The following GRIP2 variants were observed in gnomAD, a reference collection of about 807,000 sequenced individuals.
The protein encoded by GRIP2 is glutamate receptor interacting protein 2.
A neutral mutation model predicts 108.3 loss-of-function variants in GRIP2; 58 were observed. That is an observed-to-expected ratio of 0.54 (90% CI 0.43 to 0.67). GRIP2 has a LOEUF of 0.67. Ranked by LOEUF, GRIP2 falls within the 30% of genes least tolerant of loss-of-function variation. The pLI is 0.00. For missense variants in GRIP2, 1,278 were observed against 1,430.6 expected, an observed-to-expected ratio of 0.89 and a Z score of 1.72; for synonymous variants, 586 against 598.2, an observed-to-expected ratio of 0.98 and a Z score of 0.30.
At chr3:14,559,296 G>A (rs1352752502), upstream of GRIP2, among the ~76,000 whole-genome samples, 6 of 152,142 alleles carry the variant, frequency 3.9e-5, no homozygotes, top group East Asian at 1.2e-3. Context: ...AGTTCCAAGT[G>A]AAATTGGAAT....
intron 4 of GRIP2, chr3:14,524,088 G>A: frequency 3.9e-6 from 2 of 517,772 alleles, no homozygotes; most frequent in Non-Finnish European, 6.9e-6. Context: ...AGTGGAGTGT[G>A]GGCGTGGTAG....
chr3:14,588,833 G>A, the GRIP2 span, among the ~76,000 whole-genome samples: 2 of 152,154 alleles, frequency 1.3e-5, no homozygotes, highest in Non-Finnish European at 2.9e-5. Context: ...CTCCCACACA[G>A]GGGATTCCCC....
chr3:14,560,605 G>A (rs1695303532), upstream of GRIP2, among the ~76,000 whole-genome samples: 1 of 152,226 alleles, frequency 6.6e-6, no homozygotes, highest in Admixed American at 6.5e-5. Context: ...TTCTGGAGGT[G>A]TGGAGAAGCT....
chr3:14,570,422 G>C, the GRIP2 span, among the ~76,000 whole-genome samples: 4 of 152,264 alleles, frequency 2.6e-5, no homozygotes, highest in East Asian at 5.8e-4. Flanking sequence ...GTCTGGGCCA[G>C]CTGGGGCCAG....
chr3:14,602,749 A>C, the GRIP2 span, among the ~76,000 whole-genome samples: 1 of 151,582 alleles, frequency 6.6e-6, no homozygotes, highest in Admixed American at 6.6e-5. The surrounding 1 kb of genome is among the most constrained non-coding windows in gnomAD (Gnocchi z 4.7). Context: ...GTGATCCTCC[A>C]GGCTCCCCAC....
intron 1 of GRIP2, among the ~76,000 whole-genome samples, chr3:14,553,938 C>T (rs1695193392): frequency 6.6e-6 from 1 of 152,182 alleles, no homozygotes; most frequent in African/African-American, 2.4e-5. Context: ...GCAGTGTGTC[C>T]TCAATCAACC....
the GRIP2 span, among the ~76,000 whole-genome samples, chr3:14,602,881 C>A: frequency 4.4e-4 from 66 of 151,246 alleles, no homozygotes; most frequent in African/African-American, 1.4e-3. The surrounding 1 kb of genome is among the most constrained non-coding windows in gnomAD (Gnocchi z 4.7). Flanking sequence ...CCCTCCGCAC[C>A]CCGCGCCGCG....
chr3:14,599,272 A>G, the GRIP2 span, among the ~76,000 whole-genome samples: 3 of 152,242 alleles, frequency 2.0e-5, no homozygotes, highest in Non-Finnish European at 4.4e-5. Context: ...GATGACTTCT[A>G]TAACACTTCT....
At chr3:14,520,672 T>C (rs1694383697) in intron 7 of GRIP2, 135 bp from the exon 8 acceptor site, 2 of 839,266 alleles carry the variant, frequency 2.4e-6, no homozygotes, top group African/African-American at 3.5e-5. Context: ...TAATTTTTTA[T>C]TCCTTTTCTT....
At chr3:14,550,677 G>A (rs1695132812) in intron 1 of GRIP2, among the ~76,000 whole-genome samples, 2 of 152,112 alleles carry the variant, frequency 1.3e-5, no homozygotes, top group South Asian at 4.1e-4. Context: ...GGTCTTTAGG[G>A]GCTGCTTCAG....
chr3:14,509,973 AC>A lies in GRIP2; in HGVS notation c.1934-10del. ...TGTGGTCTCCAGCTCATCTGCAAGC[AC>A]GGGGACCCATGAGGAGGAGGCCCCC... is the stretch of plus-strand genomic sequence containing the variant. On this transcript the variant is annotated splice_polypyrimidine_tract_variant and intron_variant, in intron 16 of 23. Coordinates refer to ENST00000621039, the MANE Select transcript of GRIP2 (RefSeq NM_001080423.4). The A allele has an allele frequency of 6.8e-7, 1 of 1,480,288 alleles. No individual in the cohort carries two copies. The highest frequency in any genetic ancestry group is 9.0e-7 in the Non-Finnish European group (1 of 1,107,066). 91.7% of individuals were successfully genotyped at this position (1,480,288 alleles called of 1,614,324 possible).
At chr3:14,562,319 A>G in the GRIP2 span, among the ~76,000 whole-genome samples, 17 of 152,318 alleles carry the variant, frequency 1.1e-4, no homozygotes, top group Non-Finnish European at 2.1e-4. Context: ...GAGTGGGGGA[A>G]GTTGTGAGGA....
In GRIP2 at chr3:14,525,877, A is replaced by C. The variant is rs1694541127; in HGVS notation, c.95T>G (p.Leu32Arg). 1 of 1,560,440 alleles carries C rather than the reference A, an allele frequency of 6.4e-7. No homozygotes were observed. The highest frequency in any genetic ancestry group is 1.4e-5 in the African/African-American group (1 of 73,492). ...TGGAATGCTCTGTCTGCGGCACGCC[A>C]GGGAAACGTCGGCCCCTCCTGCGTC... ...GKDAGGADVS[L>R]ACRRQSIPEE... The change falls in exon 2 of 24, where the codon CTG becomes CGG. Residue 32 changes from leucine (L) to arginine (R), a missense_variant. Physicochemically the swap from Leu to Arg is moderately radical, Grantham distance 102. Transcript: ENST00000621039.
rs1694112280 is a variant in GRIP2, at chr3:14,512,049, C to CA, written c.1721-571dup. ...GCTTGTGTCGAGGGCGGTAAATGTT[C>CA]AGTCAGGTGGTCGGGGAAGGCCTTG... is the stretch of plus-strand genomic sequence containing the variant. On this transcript the variant is annotated intron_variant, in intron 14 of 23. Coordinates refer to ENST00000621039, the MANE Select transcript of GRIP2 (RefSeq NM_001080423.4). The surrounding 1 kb of genome is among the most constrained non-coding windows in gnomAD (Gnocchi z 5.1). Among the ~76,000 whole-genome samples the CA allele has an allele frequency of 6.6e-6, 1 of 152,204 alleles. No homozygotes were observed. Among genetic ancestry groups the CA allele is most frequent in the Non-Finnish European group, 1.5e-5 (1 of 68,046 alleles).
intron 9 of GRIP2, among the ~76,000 whole-genome samples, chr3:14,519,002 T>C (rs1375798150): frequency 6.6e-6 from 1 of 152,240 alleles, no homozygotes; most frequent in Non-Finnish European, 1.5e-5. Flanking sequence ...CAACGCTACC[T>C]CAGCTTTCCC....
At chr3:14,502,504 A>AAAG in intron 21 of GRIP2, among the ~76,000 whole-genome samples, 1 of 146,196 alleles carries the variant, frequency 6.8e-6, no homozygotes, top group African/African-American at 2.6e-5. Context: ...AAAAAAAAAA[A>AAAG]GAGAGAGAGA....
At chr3:14,501,155 G>A (rs937836298) in intron 21 of GRIP2, among the ~76,000 whole-genome samples, 2 of 152,146 alleles carry the variant, frequency 1.3e-5, no homozygotes, top group African/African-American at 4.8e-5. Flanking sequence ...GAAATATCCA[G>A]AATAGGCTAA....
chr3:14,492,770 G>T lies in GRIP2; in HGVS notation c.*895C>A, dbSNP rs777452619. 4 of 152,252 alleles carry T rather than the reference G, an allele frequency of 2.6e-5. No homozygotes were observed. Among genetic ancestry groups the T allele is most frequent in the African/African-American group, 7.2e-5 (3 of 41,442 alleles). 9.4% of individuals were successfully genotyped at this position (152,252 alleles called of 1,614,324 possible). A position where few individuals can be genotyped will look rare whatever the true frequency, so the allele number is the denominator to read the frequency against. ...AAAATGACCCCTCCCACATGGAGGG[G>T]CTTGGGCTGAGCGGACGTGCAGATG... On this transcript the variant is annotated 3_prime_UTR_variant, in exon 24 of 24. Transcript: ENST00000621039.
Position 14,500,687 on chromosome 3 carries a change from A to G in GRIP2, c.2679+2879T>C, listed in dbSNP as rs371507269. 3.7e-4 allele frequency among the ~76,000 whole-genome samples: 56 copies of G among 152,368 alleles called. 3 individuals carry two copies. In the South Asian group the frequency reaches 0.011, roughly 30 times the overall value. On this transcript the variant is annotated intron_variant, in intron 21 of 23. Transcript: ENST00000621039. ...AAATTGATTAGAAAAAAATAAATAAAGACATTTTCAGAACACAGAGCCTAA... is the reference window on the plus strand; with the variant it reads ...AAATTGATTAGAAAAAAATAAATAAGGACATTTTCAGAACACAGAGCCTAA...
Sources: gnomAD v4.1 joint callset for allele counts (sites outside exome capture counted in the v4.1 genomes callset) on GRCh38, gnomAD v4.1.1 for gene constraint, Gnocchi (gnomAD v3.1) non-coding constraint, MANE v1.5 for transcripts, NCBI Gene and HGNC (gene_info 2026-07-23, HGNC 2026-07-21) for gene names.